The following IHO1 variants were observed in gnomAD, a reference collection of about 807,000 sequenced individuals.
IHO1 encodes interactor of HORMAD1 1.
A neutral mutation model predicts 31.0 loss-of-function variants in IHO1; 13 were observed. That is an observed-to-expected ratio of 0.42 (90% CI 0.27 to 0.67). The LOEUF (loss-of-function observed/expected upper bound fraction) is 0.67. Among genes scored for constraint, IHO1 ranks in the 30% least tolerant of loss-of-function variants. The probability of loss-of-function intolerance (pLI) is 0.24; values close to 1 mark genes in which losing one functional copy is unlikely to be tolerated. For synonymous variants in IHO1, 221 were observed against 248.4 expected (o/e 0.89, Z 1.04); for missense variants, 599 against 687.5 (o/e 0.87, Z 1.44).
chr3:49,196,602 CCTCCCCAG>C (rs2045997987), upstream of IHO1, among the ~76,000 whole-genome samples: 1 of 152,006 alleles, frequency 6.6e-6, no homozygotes, highest in African/African-American at 2.4e-5. Flanking sequence ...TGTGGCTTAG[CCTCCCCAG>C]TAGCTGGGAT....
rs1244948056 is a variant in IHO1 at position 49,255,584 on chromosome 3, CAG to C, written c.636+94_636+95del. The C allele has an allele frequency of 8.7e-6, 6 of 687,926 alleles. No homozygotes were observed. The African/African-American group carries it at 9.2e-5, about 11-fold the overall frequency. The allele number at this position is 687,926 out of a possible 1,614,324, so 42.6% of individuals were successfully genotyped here. On this transcript the variant is annotated intron_variant, in intron 7 of 7. Transcript: ENST00000452691. ...TTTTTTTTTTTTTTTTTTTTTGAGA[CAG>C]AGTCTCGCTTTGTCGTGCGGTGGTG... is the stretch of plus-strand genomic sequence containing the variant.
chr3:49,227,435 C>A (rs2046430380), intron 2 of IHO1, among the ~76,000 whole-genome samples: 3 of 152,120 alleles, frequency 2.0e-5, no homozygotes, highest in Admixed American at 2.0e-4. Flanking sequence ...CCAAGAACCC[C>A]CAATGGTCCC....
intron 2 of IHO1, among the ~76,000 whole-genome samples, chr3:49,234,651 C>A (rs947438879): frequency 2.6e-5 from 4 of 152,086 alleles, no homozygotes; most frequent in African/African-American, 9.7e-5. Context: ...CACATCCAGT[C>A]CATAACAAGG....
At chr3:49,244,966 C>G (rs766510545) in intron 6 of IHO1, 4 of 598,768 alleles carry the variant, frequency 6.7e-6, no homozygotes, top group Non-Finnish European at 1.2e-5. Flanking sequence ...GCACTAATCC[C>G]CCACCTGGTA....
chr3:49,198,393 C>T (rs2046015634), upstream of IHO1: 1 of 152,366 alleles, frequency 6.6e-6, no homozygotes, highest in African/African-American at 2.4e-5. Context: ...TGTCTTTCCC[C>T]GTCTCCTGAC....
chr3:49,237,664 A>G (rs1253606456), intron 3 of IHO1, among the ~76,000 whole-genome samples: 1 of 151,716 alleles, frequency 6.6e-6, no homozygotes, highest in Non-Finnish European at 1.5e-5. Flanking sequence ...TTATAAGTAA[A>G]AATAGTTTTC....
chr3:49,233,703 G>GC (rs897977907), intron 2 of IHO1, among the ~76,000 whole-genome samples: 4 of 152,116 alleles, frequency 2.6e-5, no homozygotes, highest in South Asian at 2.1e-4. Flanking sequence ...TTGGGAACAG[G>GC]CCCCCAAATC....
chr3:49,238,645 G>A (rs536177929), intron 3 of IHO1, among the ~76,000 whole-genome samples: 2 of 152,258 alleles, frequency 1.3e-5, no homozygotes, highest in African/African-American at 4.8e-5. Context: ...TCGTGACCTC[G>A]CAGCTGCATT....
At chr3:49,218,181 T>C (rs1288416797) in intron 2 of IHO1, among the ~76,000 whole-genome samples, 2 of 151,914 alleles carry the variant, frequency 1.3e-5, no homozygotes, top group Non-Finnish European at 2.9e-5. Context: ...GGTCAGCAGC[T>C]TAACTCTTTC....
At chr3:49,223,984 A>G (rs2046386769) in intron 2 of IHO1, among the ~76,000 whole-genome samples, 1 of 152,144 alleles carries the variant, frequency 6.6e-6, no homozygotes, top group Admixed American at 6.5e-5. Flanking sequence ...GGCACACCTC[A>G]CAGGCTTTGA....
intron 4 of IHO1, among the ~76,000 whole-genome samples, chr3:49,242,227 G>A (rs1224329208): frequency 6.6e-6 from 1 of 152,160 alleles, no homozygotes; most frequent in Non-Finnish European, 1.5e-5. Context: ...ACAAGCATGA[G>A]CCACCGCAGT....
At chr3:49,219,387 T>G (rs1197010617) in intron 2 of IHO1, among the ~76,000 whole-genome samples, 1 of 152,252 alleles carries the variant, frequency 6.6e-6, no homozygotes, top group Non-Finnish European at 1.5e-5. Context: ...TGCAGATAAC[T>G]AGCCAGAGTC....
chr3:49,256,428 G>C lies in IHO1; in HGVS notation c.931G>C (p.Gly311Arg), dbSNP rs1244961965. Residue 311 changes from glycine (G) to arginine (R), a missense_variant, in exon 8 of 8, where the codon GGC becomes CGC. By Grantham distance (125) the Gly-to-Arg change is moderately radical (BLOSUM62 -2). Coordinates refer to ENST00000452691, the MANE Select transcript of IHO1 (RefSeq NM_001135197.2). The surrounding 1 kb of genome is among the most constrained non-coding windows in gnomAD (Gnocchi z 4.6). ...CCCTGCTGCATGGAATCCTGGTATG[G>C]GCTCCCTACAGCCTGGAGAATTTGA... Reference protein sequence around the residue: ...ALPAAWNPGMGSLQPGEFDVW... With the variant: ...ALPAAWNPGMRSLQPGEFDVW... The C allele has an allele frequency of 1.2e-6, 2 of 1,614,140 alleles. No individual in the cohort carries two copies. The highest frequency in any genetic ancestry group is 1.7e-6 in the Non-Finnish European group (2 of 1,180,036).
In IHO1 at chr3:49,251,031, T is replaced by TA. The variant is rs1246067078; in HGVS notation, c.533-4352dup. Among the ~76,000 whole-genome samples the TA allele has an allele frequency of 1.6e-4, 25 of 151,770 alleles. No homozygotes were observed. The East Asian group carries it at 4.7e-3, about 28-fold the overall frequency. ...AGAGTAAGACTCCATCTCAAAAAAATAAAAAAACTATGCTAGATTAAATTG... is the reference window on the plus strand; with the variant it reads ...AGAGTAAGACTCCATCTCAAAAAAATAAAAAAAACTATGCTAGATTAAATTG... On this transcript the variant is annotated intron_variant, in intron 6 of 7. Transcript: ENST00000452691.
chr3:49,198,071 TTG>T (rs955715083), upstream of IHO1, among the ~76,000 whole-genome samples: 2 of 152,228 alleles, frequency 1.3e-5, no homozygotes, highest in African/African-American at 4.8e-5. Context: ...ATGTATTCTT[TTG>T]TGTTTGGCTT....
intron 6 of IHO1, among the ~76,000 whole-genome samples, chr3:49,253,637 A>G (rs1264446671): frequency 6.6e-6 from 1 of 152,014 alleles, no homozygotes; most frequent in Admixed American, 6.6e-5. Context: ...CAGTTTTATG[A>G]CAATTCAGCT....
At chr3:49,220,974 C>T (rs114966866) in intron 2 of IHO1, among the ~76,000 whole-genome samples, 1,529 of 152,356 alleles carry the variant, frequency 0.01, 20 homozygotes, top group African/African-American at 0.034. Flanking sequence ...CTGCTGGCTC[C>T]AGTGGCCAGC....
At chr3:49,222,432 T>C (rs1434369416) in intron 2 of IHO1, among the ~76,000 whole-genome samples, 1 of 151,772 alleles carries the variant, frequency 6.6e-6, no homozygotes. Flanking sequence ...GTAAGGAGGG[T>C]GCTCTGGAAC....
Position 49,257,373 on chromosome 3 carries a change from C to G in IHO1, c.*91C>G. The stretch of plus-strand genomic sequence containing the variant: ...ACAGCAGAAAGTCCCTGAAGCCTGC[C>G]AAGTACCCAGGGTCAGAGGCCCTGC... On this transcript the variant is annotated 3_prime_UTR_variant, in exon 8 of 8. Transcript: ENST00000452691. 7.6e-7 allele frequency: 1 copy of G among 1,312,866 alleles called. No individual in the cohort carries two copies. The highest frequency in any genetic ancestry group is 1.4e-5 in the South Asian group (1 of 72,974). The allele number at this position is 1,312,866 out of a possible 1,614,324, so 81.3% of individuals were successfully genotyped here.
Sources: allele counts gnomAD v4.1 joint callset (sites outside exome capture counted in the v4.1 genomes callset), GRCh38; gene constraint gnomAD v4.1.1; non-coding constraint Gnocchi (gnomAD v3.1); transcripts MANE v1.5; gene names NCBI Gene and HGNC (gene_info 2026-07-23, HGNC 2026-07-21).